SAFB2: variants seen among roughly 807,000 people sequenced by gnomAD.
SAFB2 encodes scaffold attachment factor B2.
In SAFB2, 32 loss-of-function variants were observed where a neutral mutation model predicts 100.6. That is an observed-to-expected ratio of 0.32 (90% confidence interval 0.24 to 0.43). The LOEUF is 0.43. SAFB2 is among the 20% of genes least tolerant of loss of function. The pLI is 1.00. For missense variants in SAFB2, 1,185 were observed against 1,163.4 expected, an observed-to-expected ratio of 1.02 and a Z score of -0.27; for synonymous variants, 500 against 439.4, an observed-to-expected ratio of 1.14 and a Z score of -1.72.
At chr19:5,613,976 G>A (rs111404408) in intron 4 of SAFB2, among the ~76,000 whole-genome samples, 8 of 152,098 alleles carry the variant, frequency 5.3e-5, no homozygotes, top group Admixed American at 2.6e-4. Context: ...CATTTGAGAC[G>A]GAGTGTCACT....
chr19:5,610,978 G>A, intron 7 of SAFB2, 142 bp downstream of exon 7: 1 of 558,952 alleles, frequency 1.8e-6, no homozygotes, highest in South Asian at 2.4e-5. Context: ...AACACACAAA[G>A]AGAAACGAAA....
chr19:5,600,770 G>A (rs2052639032), intron 11 of SAFB2, among the ~76,000 whole-genome samples: 1 of 152,154 alleles, frequency 6.6e-6, no homozygotes, highest in Non-Finnish European at 1.5e-5. Context: ...ACCGGTAACT[G>A]CTGCATACTT....
chr19:5,614,576 T>C (rs1002004822), intron 4 of SAFB2, among the ~76,000 whole-genome samples: 1 of 152,214 alleles, frequency 6.6e-6, no homozygotes, highest in Non-Finnish European at 1.5e-5. Context: ...CAATGACTTT[T>C]GACCGTAAGG....
intron 13 of SAFB2, among the ~76,000 whole-genome samples, chr19:5,595,978 T>C (rs1030749915): frequency 6.6e-6 from 1 of 152,128 alleles, no homozygotes; most frequent in Non-Finnish European, 1.5e-5. Flanking sequence ...AAATAGAATA[T>C]GCCAGGCCGG....
Position 5,598,904 on chromosome 19 carries a change from A to G in SAFB2, c.1691-20T>C, listed in dbSNP as rs375188909. ...TGCTTCCTTCAGGAAAAAACACAACAAACTATCAAAACCTGTGGACGCCCC... is the reference window on the plus strand; with the variant it reads ...TGCTTCCTTCAGGAAAAAACACAACGAACTATCAAAACCTGTGGACGCCCC... On this transcript the variant is annotated intron_variant, in intron 12 of 20. Coordinates refer to ENST00000252542, the MANE Select transcript of SAFB2 (RefSeq NM_014649.3). The G allele has an allele frequency of 3.7e-6, 6 of 1,612,254 alleles. No homozygotes were observed. Among genetic ancestry groups the G allele is most frequent in the South Asian group, 1.1e-5 (1 of 91,024 alleles).
At position 5,604,576 on chromosome 19, in the gene SAFB2, A is replaced by C. The variant is rs190541079; in HGVS notation, c.1559+7T>G. 2 of 1,610,400 alleles carry C rather than the reference A, an allele frequency of 1.2e-6. No individual in the cohort carries two copies. The highest frequency in any genetic ancestry group is 3.3e-5 in the Admixed American group (2 of 59,942). The stretch of plus-strand genomic sequence containing the variant: ...ATTCCAAGAGGAGGTTTGAAAATTC[A>C]CTTTACTTTTCAATTTTGATCTCCA... On this transcript the variant is annotated splice_region_variant and intron_variant, in intron 11 of 20. Transcript: ENST00000252542.
At position 5,616,206 on chromosome 19, in the gene SAFB2, C is replaced by A. The variant is rs779944871; in HGVS notation, c.469G>T (p.Asp157Tyr). Residue 157 changes from aspartate to tyrosine, a missense_variant, in exon 4 of 21, where the codon GAT becomes TAT. Asp to Tyr is a radical substitution (Grantham distance 160). Transcript: ENST00000252542. ...TATTCTTTACTATCACAAAAGGAAT[C>A]GAGAAGGCCGTCCGTGCCATCCTCC... is the stretch of plus-strand genomic sequence containing the variant. ...FGEDGTDGLLDSFCDSKEYVA... is the reference protein window; with the variant it reads ...FGEDGTDGLLYSFCDSKEYVA... 5.0e-6 allele frequency: 8 copies of A among 1,614,194 alleles called. No individual in the cohort carries two copies. In the Admixed American group the frequency reaches 1.3e-4, roughly 27 times the overall value.
At position 5,587,764 on chromosome 19, in the gene SAFB2, C is replaced by A; in HGVS notation, c.2642G>T (p.Gly881Val). 6.4e-7 allele frequency: 1 copy of A among 1,552,712 alleles called. No individual in the cohort carries two copies. Residue 881 changes from glycine to valine, a missense_variant, in exon 20 of 21, where the codon GGC becomes GTC. Transcript: ENST00000252542. The surrounding 1 kb of genome is among the most constrained non-coding windows in gnomAD (Gnocchi z 4.9). Reference sequence around the variant, plus strand: ...CGAGGGCCCAGACAGGCCCCTCTCGCCACCTAGAAGAGAAGAAGGGTCTGC... The same window carrying A: ...CGAGGGCCCAGACAGGCCCCTCTCGACACCTAGAAGAGAAGAAGGGTCTGC... ...ASREHARWQG[G>V]ERGLSGPSGP... is the part of the protein sequence containing the mutation.
chr19:5,598,757 A>G (rs1212094979), intron 13 of SAFB2, 36 bp downstream of exon 13: 2 of 1,583,098 alleles, frequency 1.3e-6, no homozygotes, highest in Admixed American at 3.3e-5. Flanking sequence ...CATCGTGAGA[A>G]ACAGCTGGCC....
chr19:5,604,806 C>T lies in SAFB2; in HGVS notation c.1427G>A (p.Arg476Gln). The T allele has an allele frequency of 2.5e-6, 4 of 1,614,108 alleles. No homozygotes were observed. Among genetic ancestry groups the T allele is most frequent in the Non-Finnish European group, 8.5e-7 (1 of 1,180,010 alleles). ...SHLHRTELHG[R>Q]MISVEKAKNE... ...CCTCACCTTCTCTACGGAGATCATT[C>T]GTCCATGCAGCTCAGTTCTGTGGAG... is the stretch of plus-strand genomic sequence containing the variant. Residue 476 changes from arginine to glutamine, a missense_variant, in exon 10 of 21, where the codon CGA becomes CAA. Arg to Gln is a conservative substitution (Grantham distance 43). Around this residue, in one of 3 missense-constraint regions of SAFB2, gnomAD observed 94 missense variants for 135.1 expected, o/e 0.70. Coordinates refer to ENST00000252542, the MANE Select transcript of SAFB2 (RefSeq NM_014649.3).
chr19:5,591,428 G>A (rs1003388472), intron 17 of SAFB2: 12 of 223,282 alleles, frequency 5.4e-5, no homozygotes, highest in East Asian at 1.1e-4. Context: ...ACAGGCACTC[G>A]CCACCATGCC....
At chr19:5,600,100 C>G in intron 12 of SAFB2, 30 bp downstream of exon 12, 2 of 1,600,164 alleles carry the variant, frequency 1.2e-6, no homozygotes, top group Non-Finnish European at 1.7e-6. Flanking sequence ...AGGCCTTCCC[C>G]TTCCACAGCT....
chr19:5,621,505 G>C (rs1170489722), intron 1 of SAFB2, 109 bp from the exon 2 acceptor site: 1 of 773,312 alleles, frequency 1.3e-6, no homozygotes, highest in Admixed American at 1.8e-5. Flanking sequence ...TCCTTGCAAA[G>C]AGCAACTCCG....
Position 5,613,523 on chromosome 19 carries a change from T to A in SAFB2, c.548A>T (p.Asp183Val). ...CAAAGTGTTCTTAAATCCTTCCCCA[T>A]CCACCTGAAAAACAAAATGGAAGAT... ...LPAQPPEHAV[D>V]GEGFKNTLET... Residue 183 changes from aspartate (D) to valine (V), a missense_variant, in exon 5 of 21, where the codon GAT becomes GTT. Transcript: ENST00000252542. 6.2e-7 allele frequency: 1 copy of A among 1,613,800 alleles called. No homozygotes were observed. Among genetic ancestry groups the A allele is most frequent in the Non-Finnish European group, 8.5e-7 (1 of 1,179,812 alleles).
chr19:5,598,395 C>T (rs989797266), intron 13 of SAFB2: 1 of 237,336 alleles, frequency 4.2e-6, no homozygotes, highest in Non-Finnish European at 8.5e-6. Context: ...AGGTTGGTCT[C>T]TACCTTTTTG....
In SAFB2 at chr19:5,616,241, G is replaced by A; in HGVS notation, c.434C>T (p.Pro145Leu). The A allele has an allele frequency of 1.2e-6, 2 of 1,614,108 alleles. No individual in the cohort carries two copies. Among genetic ancestry groups the A allele is most frequent in the Non-Finnish European group, 1.7e-6 (2 of 1,180,018 alleles). The change falls in exon 4 of 21, where the codon CCA (proline) becomes CTA (leucine). Residue 145 changes from proline to leucine, a missense_variant. Physicochemically the swap from Pro to Leu is moderately conservative, Grantham distance 98. Coordinates refer to ENST00000252542, the MANE Select transcript of SAFB2 (RefSeq NM_014649.3). ...GTCCGTGCCATCCTCCCCAAAATCTGGAGCACTGCTATTCGCCACTTCAGT... is the reference window on the plus strand; with the variant it reads ...GTCCGTGCCATCCTCCCCAAAATCTAGAGCACTGCTATTCGCCACTTCAGT... ...DETEVANSSA[P>L]DFGEDGTDGL...
At chr19:5,591,590 T>G in intron 17 of SAFB2, 158 bp downstream of exon 17, 1 of 638,184 alleles carries the variant, frequency 1.6e-6, no homozygotes. Context: ...ATATTTGTAC[T>G]TCTAGTCGCT....
chr19:5,615,446 A>G (rs898883111), intron 4 of SAFB2, among the ~76,000 whole-genome samples: 1 of 149,138 alleles, frequency 6.7e-6, no homozygotes, highest in African/African-American at 2.5e-5. Context: ...GGTGGACCAC[A>G]CCTATAATCC....
At chr19:5,619,709 G>A (rs1162678967) in intron 2 of SAFB2, among the ~76,000 whole-genome samples, 1 of 152,038 alleles carries the variant, frequency 6.6e-6, no homozygotes, top group African/African-American at 2.4e-5. Flanking sequence ...GCTGGGCGTG[G>A]CGACGGGCAC....
Sources: gnomAD v4.1 joint callset for allele counts (sites outside exome capture counted in the v4.1 genomes callset) on GRCh38, gnomAD v4.1.1 for gene constraint, gnomAD v4.1.1 regional missense constraint, Gnocchi (gnomAD v3.1) non-coding constraint, MANE v1.5 for transcripts, NCBI Gene and HGNC (gene_info 2026-07-23, HGNC 2026-07-21) for gene names.